Variants in MMS22L observed in about 807,000 individuals in gnomAD.
The protein encoded by MMS22L is MMS22 like, DNA repair protein, also known as protein MMS22-like.
A neutral mutation model predicts 159.1 loss-of-function variants in MMS22L; 74 were observed. That is an observed-to-expected ratio of 0.47 (90% confidence interval 0.39 to 0.56). The LOEUF is 0.56. MMS22L is among the 20% of genes least tolerant of loss of function. The probability of loss-of-function intolerance (pLI) is 0.00; values close to 1 mark genes in which losing one functional copy is unlikely to be tolerated. For synonymous variants in MMS22L, 517 were observed against 506.9 expected (o/e 1.02, Z -0.27); for missense variants, 1,351 against 1,422.1 (o/e 0.95, Z 0.80).
chr6:97,166,802 T>C lies in MMS22L; in HGVS notation c.3009+1269A>G, dbSNP rs568607200. 2.0e-5 allele frequency among the ~76,000 whole-genome samples: 3 copies of C among 152,268 alleles called. No homozygotes were observed. The South Asian group carries it at 6.2e-4, about 32-fold the overall frequency. ...GAAGAAATATTCCAGACTCTCCTGC[T>C]GCTCACCACTCCCCTCTATTCATCT... is the stretch of plus-strand genomic sequence containing the variant. On this transcript the variant is annotated intron_variant, in intron 20 of 24. Transcript: ENST00000683635.
intron 9 of MMS22L, among the ~76,000 whole-genome samples, chr6:97,256,809 T>C (rs1438241416): frequency 6.6e-6 from 1 of 152,064 alleles, no homozygotes; most frequent in Non-Finnish European, 1.5e-5. Context: ...TAGCCAGGTG[T>C]GGTGGCATGT....
chr6:97,196,703 C>G (rs372895878), intron 14 of MMS22L, among the ~76,000 whole-genome samples: 6 of 152,180 alleles, frequency 3.9e-5, no homozygotes, highest in East Asian at 1.9e-4. Flanking sequence ...TATATTTATA[C>G]ATTTAAACAT....
intron 11 of MMS22L, among the ~76,000 whole-genome samples, chr6:97,235,184 T>C (rs1811268125): frequency 6.6e-6 from 1 of 152,204 alleles, no homozygotes; most frequent in African/African-American, 2.4e-5. Context: ...TTTAAAGATA[T>C]GTTTGGAAAA....
At chr6:97,243,153 A>G (rs1463093711) in intron 11 of MMS22L, among the ~76,000 whole-genome samples, 1 of 152,148 alleles carries the variant, frequency 6.6e-6, no homozygotes, top group Non-Finnish European at 1.5e-5. Context: ...TTCCTAGATG[A>G]TTCCCTCACA....
At chr6:97,220,012 T>C (rs1047922364) in intron 14 of MMS22L, among the ~76,000 whole-genome samples, 2 of 152,194 alleles carry the variant, frequency 1.3e-5, no homozygotes, top group Admixed American at 1.3e-4. Context: ...ATTTTGACAA[T>C]TACTTCCATT....
chr6:97,160,382 G>T (rs1450325615), intron 22 of MMS22L, among the ~76,000 whole-genome samples: 1 of 151,926 alleles, frequency 6.6e-6, no homozygotes, highest in Non-Finnish European at 1.5e-5. Flanking sequence ...AAAGATTCTT[G>T]GTTGACAGGT....
intron 14 of MMS22L, 64 bp downstream of exon 14, chr6:97,228,830 A>G (rs1810531964): frequency 1.4e-6 from 2 of 1,443,732 alleles, no homozygotes; most frequent in East Asian, 4.8e-5. Flanking sequence ...TAACTTTAAT[A>G]TAAAATCCAC....
chr6:97,271,585 G>GA (rs1815741339), intron 6 of MMS22L: 1 of 152,104 alleles, frequency 6.6e-6, no homozygotes, highest in African/African-American at 2.4e-5. Flanking sequence ...AATTCAGTTA[G>GA]AACTTTGCTT....
chr6:97,194,216 C>A lies in MMS22L; in HGVS notation c.2040-7526G>T, dbSNP rs571885674. 2.0e-5 allele frequency among the ~76,000 whole-genome samples: 3 copies of A among 152,176 alleles called. No individual in the cohort carries two copies. The South Asian group carries it at 6.2e-4, about 32-fold the overall frequency. On this transcript the variant is annotated intron_variant, in intron 14 of 24. Coordinates refer to ENST00000683635, the MANE Select transcript of MMS22L (RefSeq NM_001350599.2). ...GGAACTACAGGTGCGTGCCACCATG[C>A]TCCGCTAATTTTTGCATATTTAGTA...
chr6:97,164,265 C>T (rs1802735699), intron 21 of MMS22L, among the ~76,000 whole-genome samples: 1 of 151,588 alleles, frequency 6.6e-6, no homozygotes, highest in East Asian at 1.9e-4. Context: ...AGAGGGGAGA[C>T]AGATTTTAGG....
At chr6:97,210,776 C>T (rs777490847) in intron 14 of MMS22L, among the ~76,000 whole-genome samples, 114 of 152,068 alleles carry the variant, frequency 7.5e-4, no homozygotes, top group Non-Finnish European at 1.3e-3. Context: ...TTTGGTTACA[C>T]GTTCTCACAA....
At chr6:97,267,026 C>G (rs1414230174) in intron 8 of MMS22L, 2 of 151,966 alleles carry the variant, frequency 1.3e-5, no homozygotes, top group African/African-American at 2.4e-5. Context: ...AATACATATG[C>G]TAATTAGCTA....
At chr6:97,164,049 G>A (rs532286503) in intron 21 of MMS22L, among the ~76,000 whole-genome samples, 2 of 151,912 alleles carry the variant, frequency 1.3e-5, no homozygotes, top group African/African-American at 4.8e-5. Context: ...AAGTAATCTG[G>A]GGGCATTGTT....
intron 21 of MMS22L, among the ~76,000 whole-genome samples, chr6:97,162,393 C>T (rs775304495): frequency 2.6e-5 from 4 of 151,896 alleles, no homozygotes; most frequent in Non-Finnish European, 4.4e-5. Flanking sequence ...ACAATATAGT[C>T]ACAAACTAAA....
At chr6:97,194,041 G>A (rs1348254986) in intron 14 of MMS22L, among the ~76,000 whole-genome samples, 7 of 151,370 alleles carry the variant, frequency 4.6e-5, no homozygotes, top group Non-Finnish European at 5.9e-5. Flanking sequence ...GATTACAGGC[G>A]TGAGCCACCG....
intron 14 of MMS22L, among the ~76,000 whole-genome samples, chr6:97,207,252 A>G (rs1044200527): frequency 6.6e-6 from 1 of 152,054 alleles, no homozygotes; most frequent in African/African-American, 2.4e-5. Flanking sequence ...TTTGCTTCTG[A>G]TTAGTTTGCT....
At chr6:97,201,398 G>C (rs1332971281) in intron 14 of MMS22L, among the ~76,000 whole-genome samples, 1 of 152,138 alleles carries the variant, frequency 6.6e-6, no homozygotes, top group African/African-American at 2.4e-5. Flanking sequence ...TGGTAATATA[G>C]ACAGTGGAGC....
intron 10 of MMS22L, among the ~76,000 whole-genome samples, chr6:97,250,697 G>C (rs1813149198): frequency 6.6e-6 from 1 of 152,012 alleles, no homozygotes; most frequent in African/African-American, 2.4e-5. Flanking sequence ...TTATAGCTTT[G>C]TGATTTAAAT....
chr6:97,276,319 A>C (rs1223458748), intron 4 of MMS22L, among the ~76,000 whole-genome samples: 1 of 152,224 alleles, frequency 6.6e-6, no homozygotes, highest in Non-Finnish European at 1.5e-5. Context: ...CCAAAATGTC[A>C]GTGTAACAAA....
Sources: allele counts gnomAD v4.1 joint callset (sites outside exome capture counted in the v4.1 genomes callset), GRCh38; gene constraint gnomAD v4.1.1; transcripts MANE v1.5; gene names NCBI Gene and HGNC (gene_info 2026-07-23, HGNC 2026-07-21).